Variants in CCDC91 observed in about 807,000 individuals in gnomAD.
CCDC91 encodes the protein coiled-coil domain-containing protein 91.
CCDC91 carries 48 observed loss-of-function variants against 63.2 expected under a neutral mutation model. The ratio of observed to expected loss-of-function variants is 0.76; its 90% CI spans 0.60 to 0.97. CCDC91 has a LOEUF of 0.97. Among genes scored for constraint, CCDC91 ranks in the 50% least tolerant of loss-of-function variants. CCDC91 has a pLI of 0.00. For missense variants in CCDC91, 500 were observed against 494.6 expected (o/e 1.01, Z -0.10); for synonymous variants, 167 against 165.8 (o/e 1.01, Z -0.06).
At chr12:28,441,057 C>CAAAAAAAAAAAAAAAAAAAAA (rs60278449) in intron 8 of CCDC91, among the ~76,000 whole-genome samples, 3 of 52,698 alleles carry the variant, frequency 5.7e-5, no homozygotes, top group African/African-American at 1.6e-4. Context: ...GACTCCATCT[C>CAAAAAAAAAAAAAAAAAAAAA]AAAAAAAAAA....
intron 6 of CCDC91, among the ~76,000 whole-genome samples, chr12:28,349,938 T>G (rs1179361249): frequency 6.6e-6 from 1 of 152,168 alleles, no homozygotes; most frequent in East Asian, 1.9e-4. Flanking sequence ...GCTCTTAGGA[T>G]TCCTTTTACC....
At chr12:28,414,840 A>G (rs1947540347) in intron 8 of CCDC91, among the ~76,000 whole-genome samples, 1 of 152,242 alleles carries the variant, frequency 6.6e-6, no homozygotes, top group African/African-American at 2.4e-5. Flanking sequence ...GCAATAAAGT[A>G]GAAGTAAAAC....
intron 8 of CCDC91, among the ~76,000 whole-genome samples, chr12:28,413,757 G>T (rs1435192232): frequency 6.6e-6 from 1 of 152,080 alleles, no homozygotes; most frequent in East Asian, 1.9e-4. Context: ...TTACCTTTAT[G>T]CTCCCATGAA....
At chr12:28,529,791 C>T (rs569600882) in intron 12 of CCDC91, among the ~76,000 whole-genome samples, 3 of 152,062 alleles carry the variant, frequency 2.0e-5, no homozygotes, top group Non-Finnish European at 4.4e-5. Context: ...TATGTATCTC[C>T]ATCAATTATT....
At chr12:28,436,226 CT>C (rs1281397080) in intron 8 of CCDC91, among the ~76,000 whole-genome samples, 6 of 151,660 alleles carry the variant, frequency 4.0e-5, no homozygotes, top group Admixed American at 2.0e-4. Flanking sequence ...TTATATGATT[CT>C]TTTTTTCTTT....
intron 3 of CCDC91, among the ~76,000 whole-genome samples, chr12:28,264,521 ATATG>A (rs1340860769): frequency 1.3e-5 from 2 of 150,938 alleles, no homozygotes; most frequent in Non-Finnish European, 3.0e-5. Flanking sequence ...TTATATATAA[ATATG>A]TATGTATATA....
At chr12:28,426,160 A>G (rs182758470) in intron 8 of CCDC91, among the ~76,000 whole-genome samples, 67 of 152,312 alleles carry the variant, frequency 4.4e-4, no homozygotes, top group African/African-American at 1.6e-3. Context: ...CATGGTTTCT[A>G]AAGAGAAATC....
At chr12:28,447,603 C>A (rs1373496007) in intron 8 of CCDC91, among the ~76,000 whole-genome samples, 1 of 149,346 alleles carries the variant, frequency 6.7e-6, no homozygotes, top group Non-Finnish European at 1.5e-5. Context: ...GTAATCCCAG[C>A]ACTTTGGGAA....
chr12:28,446,670 G>T (rs1260468777), intron 8 of CCDC91, among the ~76,000 whole-genome samples: 1 of 151,996 alleles, frequency 6.6e-6, no homozygotes, highest in Non-Finnish European at 1.5e-5. Flanking sequence ...TTATCCTGTT[G>T]CCCGGGCTGG....
At chr12:28,260,889 A>G (rs1668579351) in intron 3 of CCDC91, among the ~76,000 whole-genome samples, 1 of 152,004 alleles carries the variant, frequency 6.6e-6, no homozygotes, top group South Asian at 2.1e-4. Flanking sequence ...GTGTGCTGTC[A>G]TGCATTTGTT....
intron 1 of CCDC91, among the ~76,000 whole-genome samples, chr12:28,248,110 A>T (rs951104423): frequency 1.3e-5 from 2 of 152,052 alleles, no homozygotes; most frequent in East Asian, 3.9e-4. Flanking sequence ...TTGATTTTAT[A>T]TATGGGGTGA....
intron 12 of CCDC91, among the ~76,000 whole-genome samples, chr12:28,485,711 C>G (rs1435145761): frequency 6.6e-6 from 1 of 152,138 alleles, no homozygotes; most frequent in African/African-American, 2.4e-5. Context: ...GATGCCTAAC[C>G]TTCTAAGGGG....
At chr12:28,197,460 C>G (rs1329354527) in intron 1 of CCDC91, among the ~76,000 whole-genome samples, 2 of 151,998 alleles carry the variant, frequency 1.3e-5, no homozygotes, top group Admixed American at 1.3e-4. Context: ...TCATGTAAAA[C>G]CCTTTATGTA....
intron 7 of CCDC91, among the ~76,000 whole-genome samples, chr12:28,368,277 A>T (rs1293453731): frequency 2.0e-5 from 3 of 152,218 alleles, no homozygotes; most frequent in Non-Finnish European, 4.4e-5. Context: ...TTTTAACCAC[A>T]AATTTCATAT....
chr12:28,290,522 A>G (rs768475072), intron 3 of CCDC91, among the ~76,000 whole-genome samples: 2 of 152,128 alleles, frequency 1.3e-5, no homozygotes, highest in African/African-American at 2.4e-5. Context: ...TAGTACTGAA[A>G]TGTGTGGATT....
At chr12:28,486,542 T>G (rs1163348468) in intron 12 of CCDC91, among the ~76,000 whole-genome samples, 1 of 151,422 alleles carries the variant, frequency 6.6e-6, no homozygotes, top group Non-Finnish European at 1.5e-5. Flanking sequence ...ATGGATGATT[T>G]TTCTTAAAAG....
chr12:28,222,320 G>C (rs533818236), intron 1 of CCDC91, among the ~76,000 whole-genome samples: 8 of 152,050 alleles, frequency 5.3e-5, no homozygotes, highest in African/African-American at 1.7e-4. Context: ...TGCTGGTGCT[G>C]GTGAGATGTC....
At chr12:28,447,091 A>G (rs1430333580) in intron 8 of CCDC91, among the ~76,000 whole-genome samples, 5 of 152,148 alleles carry the variant, frequency 3.3e-5, no homozygotes, top group East Asian at 3.8e-4. Context: ...AACTTGCTCA[A>G]CCTTCAGCCT....
intron 12 of CCDC91, among the ~76,000 whole-genome samples, chr12:28,524,103 C>T (rs1217577412): frequency 6.6e-6 from 1 of 151,968 alleles, no homozygotes; most frequent in Admixed American, 6.6e-5. Context: ...CAGTGGATCT[C>T]TCGGCCAAAA....
Sources: allele counts gnomAD v4.1 joint callset (sites outside exome capture counted in the v4.1 genomes callset), GRCh38; gene constraint gnomAD v4.1.1; transcripts MANE v1.5; gene names NCBI Gene and HGNC (gene_info 2026-07-23, HGNC 2026-07-21).